Variants in RMST observed in about 807,000 individuals in gnomAD.
RMST encodes the protein rhabdomyosarcoma 2 associated transcript, also known as long intergenic non-protein coding RNA 54.
chr12:97,548,630 T>A (rs954717546), intron 11 of RMST, among the ~76,000 whole-genome samples: 2 of 152,108 alleles, frequency 1.3e-5, no homozygotes, highest in Admixed American at 6.6e-5. Context: ...ATGGGATTTT[T>A]AAAAATTTCT....
chr12:97,525,682 T>C (rs1881021175), intron 10 of RMST, among the ~76,000 whole-genome samples: 1 of 152,112 alleles, frequency 6.6e-6, no homozygotes, highest in African/African-American at 2.4e-5. Flanking sequence ...AATATCTTCA[T>C]AAATAAACAG....
At chr12:97,523,801 G>A (rs1301437476) in intron 10 of RMST, among the ~76,000 whole-genome samples, 1 of 151,980 alleles carries the variant, frequency 6.6e-6, no homozygotes, top group Non-Finnish European at 1.5e-5. Context: ...TAACTGGCCG[G>A]GCGCAGTGGC....
chr12:97,487,183 A>G (rs1876205209), intron 5 of RMST, among the ~76,000 whole-genome samples: 2 of 152,160 alleles, frequency 1.3e-5, no homozygotes, highest in Admixed American at 1.3e-4. Flanking sequence ...AAAATTTATG[A>G]TCATCAGAAT....
chr12:97,540,933 G>C (rs1378895999), intron 11 of RMST, among the ~76,000 whole-genome samples: 1 of 137,094 alleles, frequency 7.3e-6, no homozygotes, highest in African/African-American at 2.8e-5. Flanking sequence ...TAAATAGATA[G>C]AGAGATAGAT....
At chr12:97,539,599 T>A (rs1404089509) in intron 11 of RMST, among the ~76,000 whole-genome samples, 1 of 151,652 alleles carries the variant, frequency 6.6e-6, no homozygotes, top group Non-Finnish European at 1.5e-5. Context: ...CACTTTTTGC[T>A]ATCATGAGAT....
intron 10 of RMST, among the ~76,000 whole-genome samples, chr12:97,512,876 C>CGGAGGCGAGGG (rs1879537469): frequency 6.6e-6 from 1 of 152,172 alleles, no homozygotes; most frequent in Non-Finnish European, 1.5e-5. Flanking sequence ...CAGGAGCCCA[C>CGGAGGCGAGGG]GGAGGCGAGG....
At chr12:97,512,002 G>A (rs1009205035) in intron 10 of RMST, among the ~76,000 whole-genome samples, 1 of 152,204 alleles carries the variant, frequency 6.6e-6, no homozygotes, top group Non-Finnish European at 1.5e-5. Flanking sequence ...GACCCTCGCA[G>A]TGAGTGTTAC....
chr12:97,517,916 A>G (rs577583638), intron 10 of RMST, among the ~76,000 whole-genome samples: 1 of 152,224 alleles, frequency 6.6e-6, no homozygotes, highest in African/African-American at 2.4e-5. Flanking sequence ...TATCAGTTTC[A>G]ACTCCCATAA....
In RMST at chr12:97,512,144, G is replaced by A. The variant is rs529116490; in HGVS notation, n.1340+16088G>A. Among the ~76,000 whole-genome samples, 39 of 152,212 alleles carry A rather than the reference G, an allele frequency of 2.6e-4. No homozygotes were observed. In the South Asian group the frequency reaches 7.9e-3, roughly 31 times the overall value. On this transcript the variant is annotated intron_variant and non_coding_transcript_variant, in intron 10 of 13. Coordinates refer to ENST00000640149, the Ensembl canonical transcript of RMST. ...CCGAGTCTGGCGGATTCGTGGTCTCGCTGGCTCAGGAGTGAAGCTGCAGAC... is the reference window on the plus strand; with the variant it reads ...CCGAGTCTGGCGGATTCGTGGTCTCACTGGCTCAGGAGTGAAGCTGCAGAC...
At chr12:97,491,500 T>G (rs1876809820) in intron 5 of RMST, 1 of 166,692 alleles carries the variant, frequency 6.0e-6, no homozygotes, top group African/African-American at 2.4e-5. Flanking sequence ...CCCGTTTGTG[T>G]GTGTGTGTGA....
intron 11 of RMST, among the ~76,000 whole-genome samples, chr12:97,537,304 A>G (rs995013242): frequency 6.6e-6 from 1 of 151,374 alleles, no homozygotes; most frequent in Non-Finnish European, 1.5e-5. Flanking sequence ...GCAGATGTGA[A>G]TCAACTTTAC....
intron 10 of RMST, among the ~76,000 whole-genome samples, chr12:97,514,225 C>T (rs994413376): frequency 7.2e-5 from 11 of 152,088 alleles, no homozygotes; most frequent in African/African-American, 2.7e-4. Flanking sequence ...AATTCATAGC[C>T]TACGAAAGCT....
intron 10 of RMST, among the ~76,000 whole-genome samples, chr12:97,529,461 A>G (rs1248912623): frequency 6.6e-6 from 1 of 152,148 alleles, no homozygotes; most frequent in Non-Finnish European, 1.5e-5. Context: ...ATTCTTAGGT[A>G]AAATTAACTT....
At chr12:97,545,990 T>C (rs1029604775) in intron 11 of RMST, among the ~76,000 whole-genome samples, 1 of 152,144 alleles carries the variant, frequency 6.6e-6, no homozygotes, top group African/African-American at 2.4e-5. Context: ...AGGATTTACC[T>C]GCTGGTGCAA....
At chr12:97,476,829 A>C (rs1874608613) in intron 5 of RMST, among the ~76,000 whole-genome samples, 1 of 152,230 alleles carries the variant, frequency 6.6e-6, no homozygotes, top group Non-Finnish European at 1.5e-5. Context: ...ATTTGGAATT[A>C]GAAAATACTA....
At chr12:97,485,459 C>T (rs907928651) in intron 5 of RMST, among the ~76,000 whole-genome samples, 12 of 152,132 alleles carry the variant, frequency 7.9e-5, no homozygotes, top group Admixed American at 2.0e-4. Flanking sequence ...ATTCCTATTC[C>T]TAGTGTTAAG....
At chr12:97,490,927 G>A (rs542057802) in intron 5 of RMST, among the ~76,000 whole-genome samples, 28 of 152,070 alleles carry the variant, frequency 1.8e-4, no homozygotes, top group South Asian at 1.0e-3. Context: ...TCTTAAGTTG[G>A]GATTGGCAAA....
chr12:97,553,471 T>G (rs993471619), intron 11 of RMST, among the ~76,000 whole-genome samples: 3 of 152,238 alleles, frequency 2.0e-5, no homozygotes, highest in Admixed American at 2.0e-4. Context: ...TACTCTCTTT[T>G]TGAACTAAGT....
At chr12:97,559,798 A>C (rs1374302354) in intron 11 of RMST, among the ~76,000 whole-genome samples, 11 of 152,208 alleles carry the variant, frequency 7.2e-5, no homozygotes, top group Non-Finnish European at 8.8e-5. Flanking sequence ...ATTGCAAACT[A>C]TTACGCATAA....
Sources: gnomAD v4.1 joint callset for allele counts (sites outside exome capture counted in the v4.1 genomes callset) on GRCh38, gnomAD v4.1.1 for gene constraint, MANE v1.5 for transcripts, NCBI Gene and HGNC (gene_info 2026-07-23, HGNC 2026-07-21) for gene names.